Variants in ZNF423 observed in about 807,000 individuals in gnomAD.
ZNF423 encodes Ebf-associated zinc finger protein.
In ZNF423, 12 loss-of-function variants were observed where a neutral mutation model predicts 95.8. The observed-to-expected ratio is 0.13, with a 90% CI of 0.08 to 0.20. ZNF423 has a LOEUF of 0.20. ZNF423 is among the 10% of genes least tolerant of loss of function. The probability of loss-of-function intolerance (pLI) is 1.00; values close to 1 mark genes in which losing one functional copy is unlikely to be tolerated. For missense variants in ZNF423, 1,316 were observed against 1,737.1 expected (o/e 0.76, Z 4.31); for synonymous variants, 749 against 711.9 (o/e 1.05, Z -0.83).
chr16:49,741,683 A>G (rs1369944272), intron 2 of ZNF423, among the ~76,000 whole-genome samples: 1 of 152,232 alleles, frequency 6.6e-6, no homozygotes, highest in Non-Finnish European at 1.5e-5. Context: ...GAGTGTGTCC[A>G]GCAAGAGCCC....
chr16:49,813,299 G>A (rs906847296), intron 1 of ZNF423, among the ~76,000 whole-genome samples: 1 of 148,388 alleles, frequency 6.7e-6, no homozygotes, highest in Non-Finnish European at 1.5e-5. Context: ...CCTGTGCCCC[G>A]ACTCCAGGCA....
intron 1 of ZNF423, among the ~76,000 whole-genome samples, chr16:49,817,730 C>T (rs1237343849): frequency 6.6e-6 from 1 of 152,180 alleles, no homozygotes; most frequent in African/African-American, 2.4e-5. Context: ...CACCATGTCA[C>T]TTATCCCAGG....
chr16:49,785,889 A>G (rs982378950), intron 2 of ZNF423, among the ~76,000 whole-genome samples: 1 of 152,252 alleles, frequency 6.6e-6, no homozygotes, highest in African/African-American at 2.4e-5. Flanking sequence ...TGGCAGGAGA[A>G]GAAGAATGAC....
At chr16:49,519,206 G>T (rs772350428) in intron 7 of ZNF423, among the ~76,000 whole-genome samples, 1 of 152,218 alleles carries the variant, frequency 6.6e-6, no homozygotes, top group Non-Finnish European at 1.5e-5. Context: ...CAACGAGCAG[G>T]CCTCCGGTTT....
intron 1 of ZNF423, among the ~76,000 whole-genome samples, chr16:49,846,650 G>C (rs1368687719): frequency 6.6e-6 from 1 of 152,158 alleles, no homozygotes; most frequent in Non-Finnish European, 1.5e-5. Flanking sequence ...CTCCACCCCA[G>C]AGACAGAAGC....
intron 7 of ZNF423, among the ~76,000 whole-genome samples, chr16:49,506,740 T>G (rs911478306): frequency 6.6e-6 from 1 of 151,718 alleles, no homozygotes; most frequent in African/African-American, 2.4e-5. Flanking sequence ...GGTGGAGAGA[T>G]GGGTAGGTGG....
chr16:49,503,415 A>G (rs575259831), intron 7 of ZNF423, among the ~76,000 whole-genome samples: 62 of 152,170 alleles, frequency 4.1e-4, no homozygotes, highest in Non-Finnish European at 7.1e-4. Flanking sequence ...ATGGCCCTCC[A>G]TGGTCTGGTT....
At chr16:49,698,832 G>A (rs1303180734) in intron 3 of ZNF423, among the ~76,000 whole-genome samples, 1 of 152,248 alleles carries the variant, frequency 6.6e-6, no homozygotes, top group Non-Finnish European at 1.5e-5. Context: ...ACCTTCTGAA[G>A]AGAAGAAAGA....
intron 2 of ZNF423, among the ~76,000 whole-genome samples, chr16:49,768,113 C>G (rs544316129): frequency 2.3e-3 from 349 of 152,358 alleles, no homozygotes; most frequent in Middle Eastern, 0.014. Context: ...TGGCTCTGGG[C>G]TGCACGAGGC....
chr16:49,629,328 T>C (rs564950770), intron 4 of ZNF423, among the ~76,000 whole-genome samples: 1 of 152,370 alleles, frequency 6.6e-6, no homozygotes, highest in East Asian at 1.9e-4. Context: ...ACTCCATTTA[T>C]ACTTAGTGTA....
chr16:49,619,066 A>G (rs1191902426), intron 5 of ZNF423, among the ~76,000 whole-genome samples: 6 of 152,080 alleles, frequency 3.9e-5, no homozygotes, highest in Non-Finnish European at 7.4e-5. Flanking sequence ...GGCTTGTACT[A>G]GTTTCTTTGC....
chr16:49,687,841 G>A (rs1186538693), intron 3 of ZNF423, among the ~76,000 whole-genome samples: 2 of 152,102 alleles, frequency 1.3e-5, no homozygotes, highest in East Asian at 3.9e-4. Context: ...CCCCCCACAT[G>A]TGAGACAGGA....
Position 49,638,374 on chromosome 16 carries a change from T to C in ZNF423, c.802A>G (p.Lys268Glu). The C allele has an allele frequency of 6.2e-7, 1 of 1,613,998 alleles. No homozygotes were observed. The highest frequency in any genetic ancestry group is 8.5e-7 in the Non-Finnish European group (1 of 1,180,018). Residue 268 changes from lysine to glutamate, a missense_variant, in exon 4 of 8, where the codon AAG becomes GAG. Coordinates refer to ENST00000563137, the MANE Select transcript of ZNF423 (RefSeq NM_001379286.1). The surrounding 1 kb of genome is among the most constrained non-coding windows in gnomAD (Gnocchi z 5.6). ...CAGTAGTCGCACATGAAGTCGTCCT[T>C]CTTGGCTTCCTTCTCCGACTTGGCC... The part of the protein sequence containing the change: ...HLAKSEKEAK[K>E]DDFMCDYCED...
At chr16:49,579,950 C>G (rs1270398045) in intron 5 of ZNF423, among the ~76,000 whole-genome samples, 1 of 152,122 alleles carries the variant, frequency 6.6e-6, no homozygotes, top group East Asian at 1.9e-4. Flanking sequence ...TTGACGCAGC[C>G]TCCCCAGCCA....
chr16:49,503,296 C>T lies in ZNF423; in HGVS notation c.3850-11992G>A, dbSNP rs536859789. Among the ~76,000 whole-genome samples the T allele has an allele frequency of 4.6e-5, 7 of 152,252 alleles. No individual in the cohort carries two copies. The East Asian group carries it at 5.8e-4, about 13-fold the overall frequency. On this transcript the variant is annotated intron_variant, in intron 7 of 7. Transcript: ENST00000563137. ...TGAGAAAACAACGTGAAGCACAGTC[C>T]GGGTTGTCTCCTCGAGGAGGCAGAG... is the stretch of plus-strand genomic sequence containing the variant.
chr16:49,802,090 C>A (rs2034591421), intron 1 of ZNF423, among the ~76,000 whole-genome samples: 1 of 152,164 alleles, frequency 6.6e-6, no homozygotes, highest in South Asian at 2.1e-4. Flanking sequence ...TCAAGCAATC[C>A]TCCCGCCTCA....
At chr16:49,765,064 T>C (rs1000591459) in intron 2 of ZNF423, among the ~76,000 whole-genome samples, 4 of 152,016 alleles carry the variant, frequency 2.6e-5, no homozygotes, top group African/African-American at 9.7e-5. Context: ...TGCCTCCACC[T>C]CTTTTCTTCC....
chr16:49,553,564 C>G (rs1000303249), intron 5 of ZNF423, among the ~76,000 whole-genome samples: 1 of 151,950 alleles, frequency 6.6e-6, no homozygotes, highest in Non-Finnish European at 1.5e-5. Flanking sequence ...CCAGGCTGGT[C>G]TCAAATGCCT....
chr16:49,631,603 G>T (rs1195765031), intron 4 of ZNF423, among the ~76,000 whole-genome samples: 1 of 152,166 alleles, frequency 6.6e-6, no homozygotes, highest in African/African-American at 2.4e-5. Context: ...ACACAGCCCT[G>T]AGCAACTGCA....
Sources: gnomAD v4.1 joint callset for allele counts (sites outside exome capture counted in the v4.1 genomes callset) on GRCh38, gnomAD v4.1.1 for gene constraint, Gnocchi (gnomAD v3.1) non-coding constraint, MANE v1.5 for transcripts, NCBI Gene and HGNC (gene_info 2026-07-23, HGNC 2026-07-21) for gene names.